Variants in ARB2A observed in about 807,000 individuals in gnomAD.
ARB2A encodes ARB2 cotranscriptional regulator A.
chr5:94,082,304 T>A, the ARB2A span, among the ~76,000 whole-genome samples: 2 of 152,172 alleles, frequency 1.3e-5, no homozygotes, highest in Non-Finnish European at 2.9e-5. Context: ...CCCACCCAAT[T>A]TCTAACAAGA....
At chr5:93,844,308 G>A in the ARB2A span, among the ~76,000 whole-genome samples, 1 of 151,948 alleles carries the variant, frequency 6.6e-6, no homozygotes, top group Non-Finnish European at 1.5e-5. Flanking sequence ...GCCAGGTGTG[G>A]TGGTGCATGC....
the ARB2A span, among the ~76,000 whole-genome samples, chr5:94,043,423 C>T: frequency 6.6e-6 from 1 of 152,182 alleles, no homozygotes; most frequent in African/African-American, 2.4e-5. Flanking sequence ...AATTTGGAAA[C>T]TAGTTCTGAG....
the ARB2A span, among the ~76,000 whole-genome samples, chr5:93,928,671 G>A: frequency 1.3e-5 from 2 of 152,024 alleles, no homozygotes; most frequent in African/African-American, 2.4e-5. Flanking sequence ...AAATTAGATC[G>A]TAAGAGTTAG....
chr5:93,645,745 A>G, the ARB2A span, among the ~76,000 whole-genome samples: 9 of 152,194 alleles, frequency 5.9e-5, no homozygotes, highest in African/African-American at 2.2e-4. Flanking sequence ...CTTGTATTTT[A>G]TACATGCAAG....
At chr5:94,017,242 T>G in the ARB2A span, among the ~76,000 whole-genome samples, 4 of 152,166 alleles carry the variant, frequency 2.6e-5, no homozygotes, top group African/African-American at 9.7e-5. Flanking sequence ...TCCTTCATAT[T>G]TGAAGGATAG....
chr5:93,958,727 A>G, the ARB2A span: 3 of 1,287,002 alleles, frequency 2.3e-6, no homozygotes, highest in African/African-American at 4.5e-5. Flanking sequence ...ACATATAATA[A>G]AACAGTACTA....
chr5:93,768,464 T>A, the ARB2A span, among the ~76,000 whole-genome samples: 1 of 109,452 alleles, frequency 9.1e-6, no homozygotes, highest in African/African-American at 3.8e-5. Flanking sequence ...AAATATCCAC[T>A]ATATATATAT....
chr5:93,789,500 T>A, the ARB2A span, among the ~76,000 whole-genome samples: 1 of 152,268 alleles, frequency 6.6e-6, no homozygotes, highest in Non-Finnish European at 1.5e-5. Flanking sequence ...TACCTTTTCA[T>A]AATTTCATTA....
chr5:93,868,667 C>T, the ARB2A span, among the ~76,000 whole-genome samples: 4 of 152,154 alleles, frequency 2.6e-5, no homozygotes, highest in Non-Finnish European at 4.4e-5. Flanking sequence ...ACAAGGCTCA[C>T]AAAACCCAGA....
At chr5:93,726,113 T>G in the ARB2A span, among the ~76,000 whole-genome samples, 1 of 152,092 alleles carries the variant, frequency 6.6e-6, no homozygotes, top group Non-Finnish European at 1.5e-5. Context: ...TTTATAATAT[T>G]GGATCTTCCT....
the ARB2A span, among the ~76,000 whole-genome samples, chr5:93,728,862 G>A: frequency 1.1e-4 from 16 of 152,148 alleles, no homozygotes; most frequent in Non-Finnish European, 1.9e-4. Flanking sequence ...CTATTGTGTT[G>A]TTCAATGTCT....
At chr5:94,094,836 C>T in the ARB2A span, among the ~76,000 whole-genome samples, 1 of 152,130 alleles carries the variant, frequency 6.6e-6, no homozygotes, top group Admixed American at 6.5e-5. Context: ...GAAAGACTCA[C>T]AGAACTCACT....
chr5:94,058,468 A>T, the ARB2A span, among the ~76,000 whole-genome samples: 1 of 152,176 alleles, frequency 6.6e-6, no homozygotes, highest in African/African-American at 2.4e-5. Flanking sequence ...CTTCAATGTG[A>T]TCTGTATGTT....
At chr5:94,058,330 TGTCTGG>T in the ARB2A span, among the ~76,000 whole-genome samples, 1 of 152,140 alleles carries the variant, frequency 6.6e-6, no homozygotes, top group South Asian at 2.1e-4. Context: ...TAATTTACAA[TGTCTGG>T]TATCTATGAA....
chr5:93,646,177 G>A, the ARB2A span, among the ~76,000 whole-genome samples: 10 of 151,894 alleles, frequency 6.6e-5, no homozygotes, highest in African/African-American at 2.4e-4. Context: ...AATCTTACAA[G>A]GCAAATTAAA....
the ARB2A span, among the ~76,000 whole-genome samples, chr5:93,650,834 A>G: frequency 2.0e-5 from 3 of 151,834 alleles, no homozygotes; most frequent in Non-Finnish European, 2.9e-5. Context: ...CTAAAAAAAA[A>G]AAAAAAAATT....
the ARB2A span, chr5:93,619,120 G>C: frequency 2.0e-5 from 3 of 152,220 alleles, no homozygotes; most frequent in African/African-American, 7.2e-5. Flanking sequence ...TAAGATTCCG[G>C]AACACTGCTG....
At chr5:93,830,371 C>T in the ARB2A span, among the ~76,000 whole-genome samples, 1 of 136,424 alleles carries the variant, frequency 7.3e-6, no homozygotes, top group African/African-American at 2.8e-5. Context: ...AATTAGATAA[C>T]TCTGTCCCCA....
the ARB2A span, among the ~76,000 whole-genome samples, chr5:94,097,159 A>G: frequency 6.6e-6 from 1 of 152,190 alleles, no homozygotes; most frequent in Non-Finnish European, 1.5e-5. Context: ...ACTGACTGTC[A>G]GGCCTGGACA....
Sources: allele counts gnomAD v4.1 joint callset (sites outside exome capture counted in the v4.1 genomes callset), GRCh38; gene constraint gnomAD v4.1.1; transcripts MANE v1.5; gene names NCBI Gene and HGNC (gene_info 2026-07-23, HGNC 2026-07-21).